The following FAM135B variants were observed in gnomAD, a reference collection of about 807,000 sequenced individuals.
FAM135B encodes the protein protein FAM135B.
In FAM135B, 43 loss-of-function variants were observed where a neutral mutation model predicts 127.7. The ratio of observed to expected loss-of-function variants is 0.34; its 90% confidence interval spans 0.26 to 0.43. The LOEUF is 0.43. Ranked by LOEUF, FAM135B falls within the 20% of genes least tolerant of loss-of-function variation. FAM135B has a pLI of 1.00. For missense variants in FAM135B, 1,558 were observed against 1,725.6 expected (o/e 0.90, Z 1.72); for synonymous variants, 670 against 665.1 (o/e 1.01, Z -0.11).
At chr8:138,349,197 C>T (rs1357081690) in intron 2 of FAM135B, among the ~76,000 whole-genome samples, 1 of 152,232 alleles carries the variant, frequency 6.6e-6, no homozygotes, top group African/African-American at 2.4e-5. Flanking sequence ...AAGGATGTAC[C>T]TCTGTGCCTC....
At chr8:138,426,328 G>A (rs1347707331) in intron 1 of FAM135B, among the ~76,000 whole-genome samples, 1 of 151,476 alleles carries the variant, frequency 6.6e-6, no homozygotes, top group African/African-American at 2.4e-5. Context: ...AGATTACCAA[G>A]TGTGGATGTG....
intron 9 of FAM135B, among the ~76,000 whole-genome samples, chr8:138,188,299 A>G (rs991122637): frequency 1.3e-5 from 2 of 152,212 alleles, no homozygotes; most frequent in African/African-American, 4.8e-5. Flanking sequence ...TGTAAAGCTG[A>G]TTGGTCAGAA....
chr8:138,208,038 G>T (rs1817836729), intron 7 of FAM135B, among the ~76,000 whole-genome samples: 1 of 152,168 alleles, frequency 6.6e-6, no homozygotes, highest in South Asian at 2.1e-4. Flanking sequence ...TTTCAGTGCT[G>T]CTTCACACCC....
intron 11 of FAM135B, among the ~76,000 whole-genome samples, chr8:138,169,871 T>C (rs1371045889): frequency 6.6e-6 from 1 of 152,218 alleles, no homozygotes; most frequent in Admixed American, 6.5e-5. Context: ...GGCTGTGATC[T>C]AGGGAAATGC....
intron 12 of FAM135B, among the ~76,000 whole-genome samples, chr8:138,163,225 C>A (rs538399661): frequency 6.6e-6 from 1 of 152,096 alleles, no homozygotes; most frequent in Admixed American, 6.5e-5. Flanking sequence ...CAATTTCACA[C>A]GGTTAATAAT....
intron 7 of FAM135B, among the ~76,000 whole-genome samples, chr8:138,224,469 C>T (rs1819259052): frequency 6.6e-6 from 1 of 152,136 alleles, no homozygotes; most frequent in African/African-American, 2.4e-5. Flanking sequence ...CAGAGTCTTG[C>T]TCTGTCGCCC....
intron 2 of FAM135B, among the ~76,000 whole-genome samples, chr8:138,322,902 A>AAT (rs1448729420): frequency 6.6e-6 from 1 of 152,226 alleles, no homozygotes; most frequent in Non-Finnish European, 1.5e-5. Flanking sequence ...AAGTCCTGCC[A>AAT]ATAAAAGAGG....
chr8:138,163,885 G>A (rs938877746), intron 12 of FAM135B, among the ~76,000 whole-genome samples: 6 of 152,094 alleles, frequency 3.9e-5, no homozygotes, highest in African/African-American at 1.2e-4. Flanking sequence ...TCAGTGACAG[G>A]AGGCACGGTC....
intron 1 of FAM135B, among the ~76,000 whole-genome samples, chr8:138,380,165 GTTTC>G (rs1444403952): frequency 6.6e-6 from 1 of 151,970 alleles, no homozygotes; most frequent in African/African-American, 2.4e-5. Context: ...CACCATATGG[GTTTC>G]TTTCTTTTTT....
At chr8:138,460,371 A>G (rs1037527035) in intron 1 of FAM135B, among the ~76,000 whole-genome samples, 2 of 152,178 alleles carry the variant, frequency 1.3e-5, no homozygotes, top group Admixed American at 6.5e-5. Context: ...ACAGCCCCAG[A>G]AGCTAAAGCC....
intron 2 of FAM135B, among the ~76,000 whole-genome samples, chr8:138,323,310 G>T (rs1827577623): frequency 6.6e-6 from 1 of 152,070 alleles, no homozygotes; most frequent in African/African-American, 2.4e-5. Context: ...TTTCTCAGGG[G>T]AATTACTATA....
rs2130600616 is a variant in FAM135B, at chr8:138,141,372, C to T, written c.3639-23G>A. 1 of 1,613,336 alleles carries T rather than the reference C, an allele frequency of 6.2e-7. No individual in the cohort carries two copies. The highest frequency in any genetic ancestry group is 1.1e-5 in the South Asian group (1 of 90,990). On this transcript the variant is annotated intron_variant, in intron 16 of 19. Coordinates refer to ENST00000395297, the MANE Select transcript of FAM135B (RefSeq NM_015912.4). The surrounding 1 kb of genome is among the most constrained non-coding windows in gnomAD (Gnocchi z 4.7). ...AAGCTGTGGAGAAACAGAAGGGGTACCCATGAGTGTGACGGTGAATGCTGC... is the reference window on the plus strand; with the variant it reads ...AAGCTGTGGAGAAACAGAAGGGGTATCCATGAGTGTGACGGTGAATGCTGC...
chr8:138,433,039 C>T (rs1460270140), intron 1 of FAM135B, among the ~76,000 whole-genome samples: 4 of 151,904 alleles, frequency 2.6e-5, no homozygotes, highest in African/African-American at 7.3e-5. Flanking sequence ...GGCAGGAGAG[C>T]AGTCCACTGT....
intron 12 of FAM135B, among the ~76,000 whole-genome samples, chr8:138,159,018 A>C (rs1256860384): frequency 7.3e-5 from 11 of 151,676 alleles, no homozygotes; most frequent in African/African-American, 2.2e-4. Flanking sequence ...CACGCCTGTA[A>C]TCCCAGCACT....
intron 2 of FAM135B, among the ~76,000 whole-genome samples, chr8:138,338,807 A>C (rs1489055444): frequency 3.3e-5 from 5 of 152,200 alleles, no homozygotes; most frequent in African/African-American, 1.2e-4. Context: ...AGACACATGC[A>C]CATCTATGTT....
At chr8:138,408,481 T>C (rs1833663306) in intron 1 of FAM135B, among the ~76,000 whole-genome samples, 1 of 152,186 alleles carries the variant, frequency 6.6e-6, no homozygotes, top group Non-Finnish European at 1.5e-5. Flanking sequence ...CACTATAGAA[T>C]TGAAAAGAGT....
intron 7 of FAM135B, among the ~76,000 whole-genome samples, chr8:138,199,692 C>T (rs1225460028): frequency 2.0e-5 from 3 of 152,174 alleles, no homozygotes; most frequent in Admixed American, 2.0e-4. Flanking sequence ...AGGAAACTTA[C>T]AGTCATGAAG....
intron 2 of FAM135B, among the ~76,000 whole-genome samples, chr8:138,342,279 T>C (rs1007226921): frequency 6.6e-6 from 1 of 151,988 alleles, no homozygotes; most frequent in Non-Finnish European, 1.5e-5. Flanking sequence ...GAGTGACAGA[T>C]AGAGAAAATG....
At chr8:138,355,006 C>T (rs1011033054) in intron 2 of FAM135B, among the ~76,000 whole-genome samples, 6 of 152,060 alleles carry the variant, frequency 3.9e-5, no homozygotes, top group Non-Finnish European at 7.4e-5. Context: ...GCTATCCCTC[C>T]CCCTTCCTCC....
Sources: allele counts gnomAD v4.1 joint callset (sites outside exome capture counted in the v4.1 genomes callset), GRCh38; gene constraint gnomAD v4.1.1; non-coding constraint Gnocchi (gnomAD v3.1); transcripts MANE v1.5; gene names NCBI Gene and HGNC (gene_info 2026-07-23, HGNC 2026-07-21).